Variants in SMG7 observed in about 807,000 individuals in gnomAD.
SMG7 encodes the protein SMG7 nonsense mediated mRNA decay factor.
Under a neutral mutation model 148.2 loss-of-function variants are expected in SMG7, and 34 were observed. The observed-to-expected ratio is 0.23, with a 90% CI of 0.17 to 0.31. SMG7 has a LOEUF of 0.31. Among genes scored for constraint, SMG7 ranks in the 10% least tolerant of loss-of-function variants. The pLI is 1.00. For missense variants in SMG7, 1,114 were observed against 1,408.4 expected (o/e 0.79, Z 3.35); for synonymous variants, 492 against 515.1 (o/e 0.96, Z 0.61).
Position 183,527,928 on chromosome 1 carries a change from T to G in SMG7, c.485-28T>G. Reference sequence around the variant, plus strand: ...CTACCCTACTGTTTGTTTTTTGGGTTTTTTAAAACTAATTTTCTTCTTCTT... The same window carrying G: ...CTACCCTACTGTTTGTTTTTTGGGTGTTTTAAAACTAATTTTCTTCTTCTT... On this transcript the variant is annotated intron_variant, in intron 5 of 22. Transcript: ENST00000688051. This position sits in a 1 kb window ranked among gnomAD's most constrained non-coding sequence, Gnocchi z 4.0. The G allele has an allele frequency of 5.6e-6, 9 of 1,600,350 alleles. No homozygotes were observed. The highest frequency in any genetic ancestry group is 7.7e-6 in the Non-Finnish European group (9 of 1,168,826).
chr1:183,489,777 A>G (rs890408930), intron 1 of SMG7, among the ~76,000 whole-genome samples: 1 of 152,224 alleles, frequency 6.6e-6, no homozygotes, highest in Non-Finnish European at 1.5e-5. Flanking sequence ...TCTATTCTCA[A>G]TGGTTTTGTT....
intron 3 of SMG7, among the ~76,000 whole-genome samples, chr1:183,516,359 T>G (rs567094036): frequency 1.3e-5 from 2 of 152,348 alleles, no homozygotes; most frequent in African/African-American, 2.4e-5. Flanking sequence ...GAAAAATCTT[T>G]CTTTGTTAAA....
intron 1 of SMG7, among the ~76,000 whole-genome samples, chr1:183,495,018 A>G (rs534766424): frequency 7.1e-4 from 108 of 151,922 alleles, no homozygotes; most frequent in African/African-American, 2.5e-3. Context: ...TAGTAGAGAC[A>G]GGGTTTCACT....
At chr1:183,547,836 G>T (rs758632584) in intron 18 of SMG7, among the ~76,000 whole-genome samples, 7 of 152,050 alleles carry the variant, frequency 4.6e-5, no homozygotes, top group Non-Finnish European at 5.9e-5. Flanking sequence ...GAGTAAATAT[G>T]AAAATAACTA....
At chr1:183,480,424 T>G (rs1653779442) in intron 1 of SMG7, among the ~76,000 whole-genome samples, 1 of 152,162 alleles carries the variant, frequency 6.6e-6, no homozygotes, top group Admixed American at 6.5e-5. Context: ...AGTACATTAT[T>G]GAAATTACCA....
chr1:183,542,471 A>C lies in SMG7; in HGVS notation c.1811A>C (p.Gln604Pro), dbSNP rs779161853. The change falls in exon 14 of 23, where the codon CAG (glutamine) becomes CCG (proline). Residue 604 changes from glutamine (Q) to proline (P), a missense_variant. Gln to Pro is a moderately conservative substitution (Grantham distance 76). Transcript: ENST00000688051. ...ETKKCTLEKL[Q>P]ETGKQNVAVQ... ...AAGAAATGCACCTTAGAAAAGTTAC[A>C]GGAAACAGGAAAGCAGAATGTGGCA... 1 of 1,613,688 alleles carries C rather than the reference A, an allele frequency of 6.2e-7. No homozygotes were observed. Among genetic ancestry groups the C allele is most frequent in the East Asian group, 2.2e-5 (1 of 44,844 alleles).
chr1:183,494,501 A>G (rs555814469), intron 1 of SMG7, among the ~76,000 whole-genome samples: 2 of 150,902 alleles, frequency 1.3e-5, no homozygotes, highest in East Asian at 3.9e-4. Flanking sequence ...CAAGGCTTCC[A>G]TCTGGTATCA....
At chr1:183,484,139 C>T (rs910849455) in intron 1 of SMG7, among the ~76,000 whole-genome samples, 4 of 152,054 alleles carry the variant, frequency 2.6e-5, no homozygotes, top group South Asian at 2.1e-4. Context: ...AGTATAATCC[C>T]TCCATAGCCG....
intron 1 of SMG7, among the ~76,000 whole-genome samples, chr1:183,478,339 A>C (rs559647943): frequency 6.6e-6 from 1 of 152,270 alleles, no homozygotes; most frequent in South Asian, 2.1e-4. Flanking sequence ...ATATCAGCCA[A>C]AGGTGGTGAC....
At chr1:183,539,582 C>T (rs996107117) in intron 12 of SMG7, among the ~76,000 whole-genome samples, 1 of 152,188 alleles carries the variant, frequency 6.6e-6, no homozygotes, top group African/African-American at 2.4e-5. Flanking sequence ...ACCTCCCTTA[C>T]GCATTTTAAA....
In SMG7 at chr1:183,477,484, ACG is replaced by A. The variant is rs1397501742; in HGVS notation, c.29+4836_29+4837del. On this transcript the variant is annotated intron_variant, in intron 1 of 22. Coordinates refer to ENST00000688051, the MANE Select transcript of SMG7 (RefSeq NM_001375584.1). Reference sequence around the variant, plus strand: ...CATATGTGTATATATGCATATATACACGTGTGTGCATATGTGTATATATGCAT... The same window carrying A: ...CATATGTGTATATATGCATATATACATGTGTGCATATGTGTATATATGCAT... Among the ~76,000 whole-genome samples the A allele has an allele frequency of 6.2e-4, 89 of 143,380 alleles. 1 individual carries two copies. Among genetic ancestry groups the A allele is most frequent in the Admixed American group, 1.6e-3 (23 of 14,034 alleles). 94.1% of individuals were successfully genotyped at this position (143,380 alleles called of 152,430 possible).
In SMG7 at chr1:183,553,476, G is replaced by T. The variant is rs1671372939; in HGVS notation, c.*1545G>T. On this transcript the variant is annotated 3_prime_UTR_variant, in exon 23 of 23. Coordinates refer to ENST00000688051, the MANE Select transcript of SMG7 (RefSeq NM_001375584.1). ...TGTGCGAGTGTATGGAGTTAGTGTG[G>T]AACTTAAGAGCTGGAAGACAGCTGT... 30 of 376,766 alleles carry T rather than the reference G, an allele frequency of 8.0e-5. No individual in the cohort carries two copies. In the South Asian group the frequency reaches 8.3e-4, roughly 10 times the overall value. 23.3% of individuals were successfully genotyped at this position (376,766 alleles called of 1,614,324 possible).
Position 183,546,114 on chromosome 1 carries a change from TGCA to T in SMG7, c.2528_2530del (p.Gln843del), listed in dbSNP as rs764855007. 61 of 1,613,940 alleles carry T rather than the reference TGCA, an allele frequency of 3.8e-5. No homozygotes were observed. Among genetic ancestry groups the T allele is most frequent in the Admixed American group, 3.7e-4 (22 of 59,988 alleles). On this transcript the variant is annotated inframe_deletion, in exon 17 of 23. Transcript: ENST00000688051. Reference sequence around the variant, plus strand: ...GAGCCGTCATTGCAACCTCCTGTAATGCAGCAGCAGCCTCTAGAAAAAAAAATG... The same window carrying T: ...GAGCCGTCATTGCAACCTCCTGTAATGCAGCAGCCTCTAGAAAAAAAAATG...
rs12065610 is a variant in SMG7, at chr1:183,486,576, G to A, written c.29+13927G>A. On this transcript the variant is annotated intron_variant, in intron 1 of 22. Transcript: ENST00000688051. The stretch of plus-strand genomic sequence containing the variant: ...CAGGCGCCCGCCACCACGCCTGGCC[G>A]ATTTTTGTGTTTTTAGTAGAGATGG... Among the ~76,000 whole-genome samples, 1,111 of 150,290 alleles carry A rather than the reference G, an allele frequency of 7.4e-3. 11 individuals carry two copies. The highest frequency in any genetic ancestry group is 0.024 in the African/African-American group (995 of 40,848).
chr1:183,546,088 T>G lies in SMG7; in HGVS notation c.2493T>G (p.Phe831Leu). The G allele has an allele frequency of 1.9e-6, 3 of 1,614,000 alleles. No individual in the cohort carries two copies. The highest frequency in any genetic ancestry group is 2.5e-6 in the Non-Finnish European group (3 of 1,179,966). ...YLQTQDPIKL[F>L]EPSLQPPVMQ... ...AGACCCAAGACCCCATAAAACTGTTTGAGCCGTCATTGCAACCTCCTGTAA... is the reference window on the plus strand; with the variant it reads ...AGACCCAAGACCCCATAAAACTGTTGGAGCCGTCATTGCAACCTCCTGTAA... The change falls in exon 17 of 23, where the codon TTT (phenylalanine) becomes TTG (leucine). Residue 831 changes from phenylalanine (F) to leucine (L), a missense_variant. Physicochemically the swap from Phe to Leu is conservative, Grantham distance 22 (BLOSUM62 0). Coordinates refer to ENST00000688051, the MANE Select transcript of SMG7 (RefSeq NM_001375584.1).
At chr1:183,511,378 TG>T (rs1161318250) in intron 1 of SMG7, among the ~76,000 whole-genome samples, 1 of 152,176 alleles carries the variant, frequency 6.6e-6, no homozygotes, top group Non-Finnish European at 1.5e-5. Flanking sequence ...GGAGTTCAGG[TG>T]GGGCTTTCTG....
intron 1 of SMG7, among the ~76,000 whole-genome samples, chr1:183,489,528 ATAG>A (rs1056809166): frequency 4.6e-5 from 7 of 152,110 alleles, no homozygotes; most frequent in African/African-American, 1.2e-4. Flanking sequence ...CCATAGAGAA[ATAG>A]TAGCGCTTTT....
intron 1 of SMG7, among the ~76,000 whole-genome samples, chr1:183,497,833 G>A (rs560478735): frequency 2.0e-3 from 311 of 152,264 alleles, no homozygotes; most frequent in African/African-American, 7.1e-3. Context: ...GCCTCCCAAA[G>A]TGCTGGGATT....
At chr1:183,492,428 C>T (rs1399761559) in intron 1 of SMG7, among the ~76,000 whole-genome samples, 1 of 152,188 alleles carries the variant, frequency 6.6e-6, no homozygotes, top group Non-Finnish European at 1.5e-5. Flanking sequence ...CATGTCTTTC[C>T]TTTGACTACT....
Sources: gnomAD v4.1 joint callset for allele counts (sites outside exome capture counted in the v4.1 genomes callset) on GRCh38, gnomAD v4.1.1 for gene constraint, Gnocchi (gnomAD v3.1) non-coding constraint, MANE v1.5 for transcripts, NCBI Gene and HGNC (gene_info 2026-07-23, HGNC 2026-07-21) for gene names.